The following RARS2 variants were observed in gnomAD, a reference collection of about 807,000 sequenced individuals.
The protein encoded by RARS2 is probable arginine--tRNA ligase, mitochondrial.
Under a neutral mutation model 88.5 loss-of-function variants are expected in RARS2, and 67 were observed. The observed-to-expected ratio is 0.76, with a 90% CI of 0.62 to 0.93. The LOEUF (loss-of-function observed/expected upper bound fraction) is 0.93, where lower values mean the gene tolerates loss of function less well. Among genes scored for constraint, RARS2 ranks in the 40% least tolerant of loss-of-function variants. RARS2 has a pLI of 0.00. For synonymous variants in RARS2, 239 were observed against 230.3 expected, an observed-to-expected ratio of 1.04 and a Z score of -0.34; for missense variants, 664 against 684.2, an observed-to-expected ratio of 0.97 and a Z score of 0.33.
intron 12 of RARS2, among the ~76,000 whole-genome samples, chr6:87,521,230 T>C (rs1335378570): frequency 1.3e-5 from 2 of 152,246 alleles, no homozygotes; most frequent in Admixed American, 1.3e-4. Flanking sequence ...GACCTGTATA[T>C]ATTAATTTCA....
intron 1 of RARS2, among the ~76,000 whole-genome samples, chr6:87,583,019 T>A (rs983428248): frequency 6.6e-6 from 1 of 152,208 alleles, no homozygotes; most frequent in Non-Finnish European, 1.5e-5. Flanking sequence ...AAGCATTTTA[T>A]CAATATTATA....
intron 3 of RARS2, 93 bp downstream of exon 3, chr6:87,564,037 A>T: frequency 1.1e-6 from 1 of 921,474 alleles, no homozygotes; most frequent in Non-Finnish European, 1.8e-6. Flanking sequence ...AAACACTATT[A>T]AATTCACTAT....
Position 87,589,946 on chromosome 6 carries a change from G to A in RARS2, c.12C>T (p.Gly4=). 4.3e-6 allele frequency: 7 copies of A among 1,613,566 alleles called. No homozygotes were observed. Among genetic ancestry groups the A allele is most frequent in the Non-Finnish European group, 5.9e-6 (7 of 1,179,994 alleles). MAC[G]FRRAIACQLS... is the part of the protein sequence containing the mutation. ...CCTGGCAAGCAATAGCGCGGCGAAAGCCGCACGCCATGTCCACCTCTACGG... is the reference window on the plus strand; with the variant it reads ...CCTGGCAAGCAATAGCGCGGCGAAAACCGCACGCCATGTCCACCTCTACGG... Residue 4 remains glycine (G), a synonymous_variant, in exon 1 of 20, where the codon GGC becomes GGT. Transcript: ENST00000369536.
chr6:87,519,208 GTATATA>G (rs1173189465), intron 14 of RARS2: 1 of 257,010 alleles, frequency 3.9e-6, no homozygotes, highest in East Asian at 9.5e-5. Context: ...GTGTGTGTGT[GTATATA>G]TATATATCTA....
chr6:87,579,711 G>C (rs562060471), intron 1 of RARS2, among the ~76,000 whole-genome samples: 1 of 137,050 alleles, frequency 7.3e-6, no homozygotes, highest in East Asian at 2.2e-4. Flanking sequence ...CGAGCATAGA[G>C]CATGTTTTTT....
intron 1 of RARS2, among the ~76,000 whole-genome samples, chr6:87,581,249 T>A (rs1002418473): frequency 1.3e-5 from 2 of 152,196 alleles, no homozygotes; most frequent in Non-Finnish European, 2.9e-5. Context: ...ATCCATATCT[T>A]TAGCAACCAG....
chr6:87,557,328 G>A (rs1225058316), intron 4 of RARS2, among the ~76,000 whole-genome samples: 4 of 152,140 alleles, frequency 2.6e-5, no homozygotes, highest in African/African-American at 9.7e-5. Flanking sequence ...AGTGTCTGTC[G>A]TAAACTAGGG....
chr6:87,544,051 G>C (rs1781854488), intron 7 of RARS2, among the ~76,000 whole-genome samples: 1 of 152,188 alleles, frequency 6.6e-6, no homozygotes, highest in South Asian at 2.1e-4. Context: ...GGTTATAATG[G>C]AAATGCTGAC....
rs932650639 is a variant in RARS2 at position 87,518,869 on chromosome 6, T to A, written c.1260A>T (p.Pro420=). 2 of 1,613,970 alleles carry A rather than the reference T, an allele frequency of 1.2e-6. No individual in the cohort carries two copies. The highest frequency in any genetic ancestry group is 2.7e-5 in the African/African-American group (2 of 74,902). Residue 420 remains proline (P), a synonymous_variant, in exon 15 of 20, where the codon CCA becomes CCT. Transcript: ENST00000369536. ...GCCCGACCCTCTCTGCAGTCTCTTG[T>A]GGGTTCTTGAGTTCTTTAGTTGCTG... is the stretch of plus-strand genomic sequence containing the variant. The part of the protein sequence containing the change: ...SIKTTKELKN[P]QETAERVGLA...
chr6:87,516,755 G>T, intron 18 of RARS2, 51 bp downstream of exon 18: 2 of 1,604,446 alleles, frequency 1.2e-6, no homozygotes, highest in Non-Finnish European at 1.7e-6. Flanking sequence ...TTAGATGAAA[G>T]AAAGGTCTCA....
intron 1 of RARS2, among the ~76,000 whole-genome samples, chr6:87,571,106 A>ATAGC: frequency 6.6e-6 from 1 of 152,306 alleles, no homozygotes; most frequent in Middle Eastern, 3.4e-3. Flanking sequence ...ATCTTGAATT[A>ATAGC]TAGCTCCCAT....
At chr6:87,575,277 A>ACC (rs1554218760) in intron 1 of RARS2, among the ~76,000 whole-genome samples, 1,827 of 140,114 alleles carry the variant, frequency 0.013, 23 homozygotes, top group Middle Eastern at 0.019. Flanking sequence ...ACACACACAC[A>ACC]CCTTGGCTTC....
intron 4 of RARS2, among the ~76,000 whole-genome samples, chr6:87,556,483 T>A (rs2128148692): frequency 6.6e-6 from 1 of 151,996 alleles, no homozygotes; most frequent in South Asian, 2.1e-4. Context: ...CACACCCAGC[T>A]AATTAAAACA....
intron 8 of RARS2, among the ~76,000 whole-genome samples, chr6:87,537,980 C>T (rs985110891): frequency 2.6e-5 from 4 of 152,156 alleles, no homozygotes; most frequent in African/African-American, 9.7e-5. Flanking sequence ...GAGTTGTTGA[C>T]ATTCAGATTT....
chr6:87,582,262 G>A (rs1773831667), intron 1 of RARS2, among the ~76,000 whole-genome samples: 2 of 152,086 alleles, frequency 1.3e-5, no homozygotes, highest in Non-Finnish European at 2.9e-5. Context: ...AATCTCACCA[G>A]CATCTGTTGT....
intron 10 of RARS2, among the ~76,000 whole-genome samples, 158 bp downstream of exon 10, chr6:87,529,384 A>G (rs1776724782): frequency 6.6e-6 from 1 of 152,218 alleles, no homozygotes; most frequent in Non-Finnish European, 1.5e-5. Context: ...TATGGAAGCA[A>G]AATACAGAAT....
In RARS2 at chr6:87,517,133, C is replaced by T. The variant is rs139867460; in HGVS notation, c.1512-253G>A. 5.7e-3 allele frequency among the ~76,000 whole-genome samples: 873 copies of T among 152,140 alleles called. 8 individuals are homozygous for T. Among genetic ancestry groups the T allele is most frequent in the Non-Finnish European group, 8.3e-3 (564 of 68,004 alleles). On this transcript the variant is annotated intron_variant, in intron 17 of 19. Transcript: ENST00000369536. ...TCTCTACTAAAAATACAAAAATTAG[C>T]CAGGTGTGGTGGCACGCGCCTATAG...
chr6:87,587,439 T>C (rs1775509654), intron 1 of RARS2, among the ~76,000 whole-genome samples: 1 of 152,236 alleles, frequency 6.6e-6, no homozygotes, highest in African/African-American at 2.4e-5. Context: ...TGACTCTATA[T>C]TCAGAGAAAT....
In RARS2 at chr6:87,519,645, A is replaced by G; in HGVS notation, c.1175T>C (p.Phe392Ser). 6.2e-7 allele frequency: 1 copy of G among 1,612,884 alleles called. No individual in the cohort carries two copies. The highest frequency in any genetic ancestry group is 8.5e-7 in the Non-Finnish European group (1 of 1,178,850). ...AATCTCATTTAAAACATCTTCCAGG[A>G]AAGTGACATCTCCTCTTCGAGTCTT... ...GMKTRRGDVT[F>S]LEDVLNEIQL... Residue 392 changes from phenylalanine (F) to serine (S), a missense_variant, in exon 14 of 20, where the codon TTC becomes TCC. Coordinates refer to ENST00000369536, the MANE Select transcript of RARS2 (RefSeq NM_020320.5).
Sources: allele counts gnomAD v4.1 joint callset (sites outside exome capture counted in the v4.1 genomes callset), GRCh38; gene constraint gnomAD v4.1.1; transcripts MANE v1.5; gene names NCBI Gene and HGNC (gene_info 2026-07-23, HGNC 2026-07-21).